Variants in ALG14 observed in about 807,000 individuals in gnomAD.
ALG14 encodes the protein UDP-N-acetylglucosamine transferase subunit ALG14.
ALG14 carries 17 observed loss-of-function variants against 22.8 expected under a neutral mutation model. The ratio of observed to expected loss-of-function variants is 0.75; its 90% CI spans 0.51 to 1.12. ALG14 has a LOEUF of 1.12. Among genes scored for constraint, ALG14 ranks in the 50% most tolerant of loss-of-function variants. The pLI is 0.00. For synonymous variants in ALG14, 89 were observed against 103.7 expected (o/e 0.86, Z 0.86); for missense variants, 288 against 271.8 (o/e 1.06, Z -0.42).
In ALG14 at chr1:95,048,594, C is replaced by T. The variant is rs1052620964; in HGVS notation, c.288+16272G>A. Among the ~76,000 whole-genome samples the T allele has an allele frequency of 1.1e-3, 161 of 152,220 alleles. 1 individual carries two copies. The highest frequency in any genetic ancestry group is 3.7e-3 in the African/African-American group (154 of 41,524). On this transcript the variant is annotated intron_variant, in intron 2 of 3. Coordinates refer to ENST00000370205, the MANE Select transcript of ALG14 (RefSeq NM_144988.4). ...ATGGCCTATTGCTCTCCAGGAAGAA[C>T]GTTCTGATTTGAGTTTTCATTTACC...
At chr1:94,995,448 C>T (rs1032219960) in intron 3 of ALG14, among the ~76,000 whole-genome samples, 3 of 152,230 alleles carry the variant, frequency 2.0e-5, no homozygotes, top group Non-Finnish European at 2.9e-5. Context: ...CGCAGTGGCT[C>T]AGGCCTGTAA....
intron 2 of ALG14, among the ~76,000 whole-genome samples, chr1:95,051,514 T>A (rs1191023272): frequency 6.6e-6 from 1 of 152,170 alleles, no homozygotes; most frequent in Admixed American, 6.5e-5. Context: ...TTCTGTCAGA[T>A]CATGTCCCTC....
chr1:95,035,292 G>A (rs1225512605), intron 2 of ALG14, among the ~76,000 whole-genome samples: 1 of 152,004 alleles, frequency 6.6e-6, no homozygotes, highest in African/African-American at 2.4e-5. Context: ...ATATAATCCA[G>A]TCTCTTTCAC....
At chr1:95,065,164 A>G (rs1200395233) in intron 1 of ALG14, 147 bp from the exon 2 acceptor site, 1 of 664,512 alleles carries the variant, frequency 1.5e-6, no homozygotes, top group Admixed American at 3.1e-5. Context: ...GAACATTTGA[A>G]AACAATAAAT....
At chr1:95,055,805 A>G (rs1387676024) in intron 2 of ALG14, among the ~76,000 whole-genome samples, 1 of 138,884 alleles carries the variant, frequency 7.2e-6, no homozygotes, top group East Asian at 2.2e-4. Context: ...ATCCTGGTTA[A>G]CATGGTGAAA....
At chr1:95,049,629 T>C (rs537622521) in intron 2 of ALG14, among the ~76,000 whole-genome samples, 5 of 152,142 alleles carry the variant, frequency 3.3e-5, no homozygotes, top group Admixed American at 3.3e-4. Context: ...CCAGCACTTT[T>C]GGGAAGCTGA....
At chr1:95,063,992 T>C (rs1334038227) in intron 2 of ALG14, among the ~76,000 whole-genome samples, 1 of 152,218 alleles carries the variant, frequency 6.6e-6, no homozygotes, top group Non-Finnish European at 1.5e-5. Context: ...GAAGAGGTCC[T>C]TCACTTCCCT....
chr1:94,988,462 A>G (rs1249701544), intron 3 of ALG14, among the ~76,000 whole-genome samples: 1 of 152,218 alleles, frequency 6.6e-6, no homozygotes, highest in Non-Finnish European at 1.5e-5. Context: ...AGAGTAATGG[A>G]AACCTCAGAG....
chr1:95,067,437 T>C (rs751500738), intron 1 of ALG14: 1 of 152,274 alleles, frequency 6.6e-6, no homozygotes, highest in Non-Finnish European at 1.5e-5. Context: ...ACTACAATGC[T>C]TACTCTTGAA....
chr1:95,012,448 G>T (rs192152073), intron 3 of ALG14, among the ~76,000 whole-genome samples: 1 of 152,254 alleles, frequency 6.6e-6, no homozygotes, highest in East Asian at 1.9e-4. Context: ...CAGTTGTTTC[G>T]TCTTATTAGA....
intron 3 of ALG14, among the ~76,000 whole-genome samples, chr1:94,983,828 G>A (rs1173907647): frequency 6.6e-6 from 1 of 151,062 alleles, no homozygotes; most frequent in Non-Finnish European, 1.5e-5. Flanking sequence ...TGCAACCTCT[G>A]CCTCCCGGGT....
At chr1:94,996,471 C>T (rs1405164855) in intron 3 of ALG14, among the ~76,000 whole-genome samples, 1 of 152,176 alleles carries the variant, frequency 6.6e-6, no homozygotes, top group African/African-American at 2.4e-5. Context: ...GGGCAAGCAG[C>T]CCTGCTGAAC....
intron 1 of ALG14, among the ~76,000 whole-genome samples, chr1:95,070,120 G>T (rs1251677322): frequency 6.6e-6 from 1 of 152,006 alleles, no homozygotes; most frequent in East Asian, 1.9e-4. Context: ...TTCCAGAGAG[G>T]GCCCTACCCC....
Position 94,975,253 on chromosome 1 carries a change from G to A in ALG14, c.*7823C>T, listed in dbSNP as rs1377642067. 6.6e-6 allele frequency: 1 copy of A among 152,208 alleles called. No individual in the cohort carries two copies. Among genetic ancestry groups the A allele is most frequent in the Non-Finnish European group, 1.5e-5 (1 of 68,058 alleles). The allele number at this position is 152,208 out of a possible 1,614,324, so 9.4% of individuals were successfully genotyped here. On this transcript the variant is annotated 3_prime_UTR_variant, in exon 4 of 4. Transcript: ENST00000370205. ...ATATGAATAGAATCATGCATTTGTT[G>A]TCTTTTGTGGCTGGCTTCTGTAACT...
At chr1:95,042,498 CTCCCTTCACTGCTGTCCTGAGAAT>C (rs960657801) in intron 2 of ALG14, among the ~76,000 whole-genome samples, 5 of 152,218 alleles carry the variant, frequency 3.3e-5, no homozygotes, top group Non-Finnish European at 7.3e-5. Context: ...CACACTGGAA[CTCCCTTCACTGCTGTCCTGAGAAT>C]TCCCTTCCCT....
intron 3 of ALG14, among the ~76,000 whole-genome samples, chr1:95,024,895 C>T (rs888615454): frequency 2.0e-5 from 3 of 152,156 alleles, no homozygotes; most frequent in Admixed American, 2.0e-4. Context: ...CTGGAATATA[C>T]TTCTCCCAAA....
In ALG14 at chr1:95,072,234, T is replaced by C. The variant is rs537501520; in HGVS notation, c.136+529A>G. 9.2e-5 allele frequency among the ~76,000 whole-genome samples: 14 copies of C among 152,328 alleles called. No homozygotes were observed. The South Asian group carries it at 2.7e-3, about 29-fold the overall frequency. On this transcript the variant is annotated intron_variant, in intron 1 of 3. Transcript: ENST00000370205. ...TTAAAATTGTAAGCACCTACAGAGT[T>C]GGTGGATTTAGATTGTATTACCTGA...
chr1:95,007,874 A>T (rs970684655), intron 3 of ALG14, among the ~76,000 whole-genome samples: 1 of 152,238 alleles, frequency 6.6e-6, no homozygotes, highest in East Asian at 1.9e-4. Context: ...CCAAGTTTCA[A>T]CATGCCTTTA....
intron 1 of ALG14, among the ~76,000 whole-genome samples, chr1:95,071,363 T>C (rs1675557988): frequency 6.6e-6 from 1 of 152,100 alleles, no homozygotes; most frequent in Non-Finnish European, 1.5e-5. Context: ...TTGGTCAACA[T>C]GGTGAAACAC....
Sources: gnomAD v4.1 joint callset for allele counts (sites outside exome capture counted in the v4.1 genomes callset) on GRCh38, gnomAD v4.1.1 for gene constraint, MANE v1.5 for transcripts, NCBI Gene and HGNC (gene_info 2026-07-23, HGNC 2026-07-21) for gene names.